The following SYNPR variants were observed in gnomAD, a reference collection of about 807,000 sequenced individuals.
SYNPR encodes synaptoporin.
SYNPR carries 23 observed loss-of-function variants against 32.9 expected under a neutral mutation model. The observed-to-expected ratio is 0.70, with a 90% CI of 0.50 to 0.99. SYNPR has a LOEUF of 0.99. Ranked by LOEUF, SYNPR falls within the 50% of genes least tolerant of loss-of-function variation. The pLI is 0.00. For synonymous variants in SYNPR, 146 were observed against 135.9 expected, an observed-to-expected ratio of 1.07 and a Z score of -0.52; for missense variants, 318 against 349.3, an observed-to-expected ratio of 0.91 and a Z score of 0.71.
At chr3:63,279,803 T>G (rs1462264981) in intron 2 of SYNPR, among the ~76,000 whole-genome samples, 1 of 152,216 alleles carries the variant, frequency 6.6e-6, no homozygotes, top group Non-Finnish European at 1.5e-5. Context: ...ACACGGATGA[T>G]CTACAAGATA....
At chr3:63,343,652 TCTG>T in intron 2 of SYNPR, among the ~76,000 whole-genome samples, 1 of 152,330 alleles carries the variant, frequency 6.6e-6, no homozygotes, top group South Asian at 2.1e-4. Context: ...AAAAACCATC[TCTG>T]CTCTATTGTG....
At chr3:63,438,009 T>G (rs1207448846) in intron 2 of SYNPR, among the ~76,000 whole-genome samples, 1 of 152,212 alleles carries the variant, frequency 6.6e-6, no homozygotes, top group Non-Finnish European at 1.5e-5. Context: ...GGGAGCATGC[T>G]TAGCCACATA....
chr3:63,592,266 T>C (rs1218466093), intron 4 of SYNPR, among the ~76,000 whole-genome samples: 1 of 152,196 alleles, frequency 6.6e-6, no homozygotes, highest in Non-Finnish European at 1.5e-5. Flanking sequence ...TTTCAACTTC[T>C]GGCCTCCAGA....
upstream of SYNPR, among the ~76,000 whole-genome samples, chr3:63,274,286 T>G (rs2086557860): frequency 6.6e-6 from 1 of 152,260 alleles, no homozygotes; most frequent in Non-Finnish European, 1.5e-5. Context: ...GCCTGAATAA[T>G]GCAAGTTCTT....
intron 1 of SYNPR, among the ~76,000 whole-genome samples, chr3:63,243,677 TA>T (rs1354310900): frequency 6.6e-6 from 1 of 152,128 alleles, no homozygotes; most frequent in African/African-American, 2.4e-5. Context: ...TTTTAAATAA[TA>T]ATGCAAAATA....
At chr3:63,223,839 A>G (rs983814355), upstream of SYNPR, among the ~76,000 whole-genome samples, 4 of 152,180 alleles carry the variant, frequency 2.6e-5, no homozygotes, top group Admixed American at 2.6e-4. Flanking sequence ...TTCCTCCACT[A>G]GACTCTAGGT....
Position 63,595,872 on chromosome 3 carries a change from T to A in SYNPR, c.409-13253T>A, listed in dbSNP as rs866660286. ...TTATATATATATAGTTATATATATA[T>A]AATTTTATATATATATAGTTTTATA... is the stretch of plus-strand genomic sequence containing the variant. On this transcript the variant is annotated intron_variant, in intron 4 of 5. Transcript: ENST00000478300. Among the ~76,000 whole-genome samples the A allele has an allele frequency of 1.5e-4, 13 of 84,338 alleles. No individual in the cohort carries two copies. The East Asian group carries it at 2.7e-3, about 18-fold the overall frequency. The allele number at this position is 84,338 out of a possible 152,430, so 55.3% of individuals were successfully genotyped here.
intron 3 of SYNPR, among the ~76,000 whole-genome samples, chr3:63,515,617 G>T (rs1411172651): frequency 1.3e-5 from 2 of 151,956 alleles, no homozygotes; most frequent in African/African-American, 2.4e-5. Flanking sequence ...ATGTGTTTTG[G>T]CCTGAGAAAA....
chr3:63,265,163 T>G (rs2086473761), intron 2 of SYNPR, among the ~76,000 whole-genome samples: 1 of 151,864 alleles, frequency 6.6e-6, no homozygotes, highest in Non-Finnish European at 1.5e-5. Context: ...GATATATGAG[T>G]CTTTCAAAAC....
intron 2 of SYNPR, among the ~76,000 whole-genome samples, chr3:63,315,661 G>A (rs2087032540): frequency 6.6e-6 from 1 of 151,784 alleles, no homozygotes; most frequent in Admixed American, 6.6e-5. Context: ...GGTTTTCAAG[G>A]TAAACAATCA....
intron 3 of SYNPR, among the ~76,000 whole-genome samples, chr3:63,511,755 G>A (rs1203043192): frequency 3.3e-5 from 5 of 152,058 alleles, no homozygotes; most frequent in South Asian, 2.1e-4. Context: ...AAGTGGACTC[G>A]TGCACTACTT....
chr3:63,388,556 TTG>T (rs749669898), intron 2 of SYNPR, among the ~76,000 whole-genome samples: 1,922 of 128,060 alleles, frequency 0.015, 34 homozygotes, highest in African/African-American at 0.046. Flanking sequence ...CCCGGCTAAT[TTG>T]TGTGTGTGTG....
intron 2 of SYNPR, among the ~76,000 whole-genome samples, chr3:63,334,754 G>A (rs1342473231): frequency 6.6e-6 from 1 of 152,180 alleles, no homozygotes; most frequent in Non-Finnish European, 1.5e-5. Context: ...CTGCTGATGA[G>A]CATTTTCTTT....
intron 2 of SYNPR, among the ~76,000 whole-genome samples, chr3:63,368,904 T>A (rs1342362897): frequency 2.0e-5 from 3 of 152,164 alleles, no homozygotes; most frequent in African/African-American, 7.2e-5. Flanking sequence ...TTCTTAGAGT[T>A]GAGAAGGACA....
intron 2 of SYNPR, among the ~76,000 whole-genome samples, chr3:63,449,275 T>G (rs1700336741): frequency 6.6e-6 from 1 of 152,050 alleles, no homozygotes; most frequent in East Asian, 1.9e-4. Flanking sequence ...TTCAATAAAT[T>G]TATATATTGG....
intron 3 of SYNPR, among the ~76,000 whole-genome samples, chr3:63,540,370 T>C (rs1702276704): frequency 6.6e-6 from 1 of 152,106 alleles, no homozygotes; most frequent in African/African-American, 2.4e-5. Flanking sequence ...AGTCTGAACA[T>C]AGAGCCATGG....
At chr3:63,337,311 C>A (rs529148439) in intron 2 of SYNPR, among the ~76,000 whole-genome samples, 11 of 144,222 alleles carry the variant, frequency 7.6e-5, no homozygotes, top group African/African-American at 2.8e-4. Flanking sequence ...ACAATAAGAA[C>A]TACATACCTA....
intron 2 of SYNPR, among the ~76,000 whole-genome samples, chr3:63,393,231 C>G (rs7641483): frequency 8.7e-4 from 133 of 152,280 alleles, no homozygotes; most frequent in Middle Eastern, 3.4e-3. Context: ...AGATATTTTA[C>G]TTTTTTCCTG....
At chr3:63,444,912 C>T (rs1051133997) in intron 2 of SYNPR, among the ~76,000 whole-genome samples, 7 of 151,642 alleles carry the variant, frequency 4.6e-5, no homozygotes. Flanking sequence ...AGACGACAAA[C>T]CTTAGCTGGA....
Sources: allele counts gnomAD v4.1 joint callset (sites outside exome capture counted in the v4.1 genomes callset), GRCh38; gene constraint gnomAD v4.1.1; transcripts MANE v1.5; gene names NCBI Gene and HGNC (gene_info 2026-07-23, HGNC 2026-07-21).